PXDNL: variants seen among roughly 807,000 people sequenced by gnomAD.
PXDNL encodes peroxidasin like.
PXDNL carries 145 observed loss-of-function variants against 150.8 expected under a neutral mutation model. The observed-to-expected ratio is 0.96, with a 90% CI of 0.84 to 1.10. PXDNL has a LOEUF of 1.10. PXDNL is among the 50% of genes least tolerant of loss of function. The pLI is 0.00. For synonymous variants in PXDNL, 757 were observed against 725.7 expected, an observed-to-expected ratio of 1.04 and a Z score of -0.69; for missense variants, 2,087 against 1,873.9, an observed-to-expected ratio of 1.11 and a Z score of -2.10.
intron 1 of PXDNL, among the ~76,000 whole-genome samples, chr8:51,686,385 G>A (rs946085997): frequency 6.6e-6 from 1 of 152,212 alleles, no homozygotes; most frequent in Non-Finnish European, 1.5e-5. Context: ...ACAGAAGCAT[G>A]GAAGCCTCTG....
intron 1 of PXDNL, among the ~76,000 whole-genome samples, chr8:51,776,718 A>C (rs772924527): frequency 3.3e-5 from 5 of 151,842 alleles, no homozygotes; most frequent in South Asian, 4.2e-4. Flanking sequence ...CTCTTAAGTC[A>C]TTTTCCATCC....
intron 2 of PXDNL, among the ~76,000 whole-genome samples, chr8:51,623,795 G>C (rs1015984533): frequency 1.3e-5 from 2 of 152,094 alleles, no homozygotes; most frequent in Non-Finnish European, 2.9e-5. Context: ...CTAGCAATCA[G>C]GATGAATCCA....
At chr8:51,424,531 T>C (rs1194843849) in intron 13 of PXDNL, among the ~76,000 whole-genome samples, 1 of 151,884 alleles carries the variant, frequency 6.6e-6, no homozygotes, top group Non-Finnish European at 1.5e-5. Context: ...GTATTATATA[T>C]ATATATATAC....
chr8:51,614,512 G>A (rs1288746911), intron 2 of PXDNL, among the ~76,000 whole-genome samples: 1 of 152,144 alleles, frequency 6.6e-6, no homozygotes, highest in African/African-American at 2.4e-5. Flanking sequence ...CCATGTGGCA[G>A]CACCTGAATC....
chr8:51,519,151 G>A (rs1811604597), intron 4 of PXDNL, among the ~76,000 whole-genome samples: 1 of 152,212 alleles, frequency 6.6e-6, no homozygotes, highest in East Asian at 1.9e-4. Context: ...ATTCTGTGAT[G>A]GTAGGATAAA....
intron 1 of PXDNL, among the ~76,000 whole-genome samples, chr8:51,720,922 C>T (rs1031560783): frequency 1.3e-5 from 2 of 152,262 alleles, no homozygotes; most frequent in Admixed American, 1.3e-4. Flanking sequence ...CAGGCTGACA[C>T]AGACGCTCGA....
At chr8:51,676,363 G>A (rs1585666790) in intron 1 of PXDNL, among the ~76,000 whole-genome samples, 1 of 151,940 alleles carries the variant, frequency 6.6e-6, no homozygotes, top group East Asian at 1.9e-4. Context: ...CACAACCTCT[G>A]CTTGCCAGGT....
At chr8:51,679,908 A>G (rs748231635) in intron 1 of PXDNL, among the ~76,000 whole-genome samples, 1 of 152,232 alleles carries the variant, frequency 6.6e-6, no homozygotes, top group Non-Finnish European at 1.5e-5. Flanking sequence ...TTGTGCACTC[A>G]TAACTCTCTC....
intron 13 of PXDNL, among the ~76,000 whole-genome samples, chr8:51,424,424 T>C (rs1475844445): frequency 6.6e-6 from 1 of 152,110 alleles, no homozygotes; most frequent in East Asian, 1.9e-4. Context: ...ATCCATCATC[T>C]AAAAACATCA....
At position 51,408,264 on chromosome 8, in the gene PXDNL, A is replaced by G; in HGVS notation, c.3360T>C (p.Pro1120=). The G allele has an allele frequency of 6.2e-7, 1 of 1,614,006 alleles. No homozygotes were observed. The highest frequency in any genetic ancestry group is 8.5e-7 in the Non-Finnish European group (1 of 1,179,888). Residue 1120 remains proline (P), a synonymous_variant, in exon 17 of 23, where the codon CCT becomes CCC. Transcript: ENST00000356297. ...CGGAGAAGAGCCTCTGGGTCAGCTC[A>G]GGACTGAGAAGGTAGGAGGGTGCCC... ...KWRAPSYLLS[P]ELTQRLFSAA... is the part of the protein sequence containing the mutation.
Position 51,319,807 on chromosome 8 carries a change from T to G in PXDNL, c.*84A>C. On this transcript the variant is annotated 3_prime_UTR_variant, in exon 23 of 23. Transcript: ENST00000356297. ...GTCAGTGGTTTCCATATCAACAATGTGACTACAAGTTAAAAGTTCTGAAGT... is the reference window on the plus strand; with the variant it reads ...GTCAGTGGTTTCCATATCAACAATGGGACTACAAGTTAAAAGTTCTGAAGT... 7.9e-7 allele frequency: 1 copy of G among 1,266,772 alleles called. No homozygotes were observed. The highest frequency in any genetic ancestry group is 2.4e-5 in the South Asian group (1 of 41,168). 78.5% of individuals were successfully genotyped at this position (1,266,772 alleles called of 1,614,324 possible). A position where few individuals can be genotyped will look rare whatever the true frequency, so the allele number is the denominator to read the frequency against.
intron 2 of PXDNL, among the ~76,000 whole-genome samples, chr8:51,642,383 A>G (rs954204609): frequency 6.6e-6 from 1 of 152,098 alleles, no homozygotes; most frequent in Middle Eastern, 3.4e-3. Flanking sequence ...GAAATAAAAT[A>G]AAAAAATGCA....
intron 4 of PXDNL, among the ~76,000 whole-genome samples, chr8:51,553,330 T>A (rs1240158934): frequency 1.3e-5 from 2 of 152,186 alleles, no homozygotes; most frequent in Admixed American, 1.3e-4. Context: ...GGCATTGTAC[T>A]CGTATGGACT....
In PXDNL at chr8:51,350,354, C is replaced by CTTTTTTTTTT. The variant is rs1163628780; in HGVS notation, c.3902-4417_3902-4408dup. ...AGTCTTTTATTAGCAAATGCAGCTTCTTTTTTTTTTTTTTTTTTTTTTGAG... is the reference window on the plus strand; with the variant it reads ...AGTCTTTTATTAGCAAATGCAGCTTCTTTTTTTTTTTTTTTTTTTTTTTTTTTTTTTTGAG... On this transcript the variant is annotated intron_variant, in intron 19 of 22. Coordinates refer to ENST00000356297, the MANE Select transcript of PXDNL (RefSeq NM_144651.5). Among the ~76,000 whole-genome samples the CTTTTTTTTTT allele has an allele frequency of 4.5e-4, 35 of 77,882 alleles. 1 individual carries two copies. The highest frequency in any genetic ancestry group is 1.6e-3 in the African/African-American group (30 of 19,146). The allele number at this position is 77,882 out of a possible 152,430, so 51.1% of individuals were successfully genotyped here. A position where few individuals can be genotyped will look rare whatever the true frequency, so the allele number is the denominator to read the frequency against.
chr8:51,496,495 T>C (rs1466029342), intron 5 of PXDNL, among the ~76,000 whole-genome samples: 1 of 152,160 alleles, frequency 6.6e-6, no homozygotes, highest in Non-Finnish European at 1.5e-5. Context: ...AAATTGTCCC[T>C]GTTTGCAGAT....
intron 4 of PXDNL, among the ~76,000 whole-genome samples, chr8:51,555,553 T>A (rs1327516184): frequency 6.6e-6 from 1 of 152,212 alleles, no homozygotes; most frequent in East Asian, 1.9e-4. Context: ...GAAAAAGAAA[T>A]TTAGATTTCT....
At chr8:51,691,497 C>T (rs571904014) in intron 1 of PXDNL, among the ~76,000 whole-genome samples, 1 of 151,568 alleles carries the variant, frequency 6.6e-6, no homozygotes, top group South Asian at 2.1e-4. Flanking sequence ...CGGCGTTATA[C>T]TGTTTTTCTA....
At chr8:51,369,466 ACTGT>A (rs956970116) in intron 19 of PXDNL, among the ~76,000 whole-genome samples, 14 of 152,184 alleles carry the variant, frequency 9.2e-5, no homozygotes, top group African/African-American at 3.1e-4. Context: ...CTCATTTTAA[ACTGT>A]CTTTTAATTT....
chr8:51,450,816 C>A (rs1426926389), intron 10 of PXDNL, among the ~76,000 whole-genome samples: 1 of 152,124 alleles, frequency 6.6e-6, no homozygotes, highest in African/African-American at 2.4e-5. Context: ...AATTCAGACT[C>A]TGGGAGGTAG....
Sources: gnomAD v4.1 joint callset for allele counts (sites outside exome capture counted in the v4.1 genomes callset) on GRCh38, gnomAD v4.1.1 for gene constraint, MANE v1.5 for transcripts, NCBI Gene and HGNC (gene_info 2026-07-23, HGNC 2026-07-21) for gene names.